The following ASS1 variants were observed in gnomAD, a reference collection of about 807,000 sequenced individuals.
The protein encoded by ASS1 is argininosuccinate synthase 1.
ASS1 carries 58 observed loss-of-function variants against 60.5 expected under a neutral mutation model. The ratio of observed to expected loss-of-function variants is 0.96; its 90% confidence interval spans 0.78 to 1.19. ASS1 has a LOEUF of 1.19. Ranked by LOEUF, ASS1 falls within the 50% of genes most tolerant of loss-of-function variation. ASS1 has a pLI of 0.00. For synonymous variants in ASS1, 200 were observed against 206.9 expected, an observed-to-expected ratio of 0.97 and a Z score of 0.29; for missense variants, 454 against 547.3, an observed-to-expected ratio of 0.83 and a Z score of 1.70.
In ASS1 at chr9:130,491,680, G is replaced by A. The variant is rs1482951019; in HGVS notation, c.970+2216G>A. ...CTGCGGTCACGATGCCTCTACACTG[G>A]ACTGGCTGGGTTGAGTCCCTGCTCT... is the stretch of plus-strand genomic sequence containing the variant. On this transcript the variant is annotated intron_variant, in intron 12 of 14. Coordinates refer to ENST00000352480, the MANE Select transcript of ASS1 (RefSeq NM_054012.4). This position sits in a 1 kb window ranked among gnomAD's most constrained non-coding sequence, Gnocchi z 5.3. 6.6e-6 allele frequency among the ~76,000 whole-genome samples: 1 copy of A among 152,188 alleles called. No homozygotes were observed. The highest frequency in any genetic ancestry group is 2.4e-5 in the African/African-American group (1 of 41,452).
chr9:130,465,957 T>C (rs1420574035), intron 5 of ASS1, among the ~76,000 whole-genome samples: 2 of 152,280 alleles, frequency 1.3e-5, no homozygotes, highest in South Asian at 2.1e-4. Context: ...TGAGATGGGA[T>C]TGGGGCAGGG....
intron 12 of ASS1, among the ~76,000 whole-genome samples, chr9:130,492,180 G>A (rs1307446560): frequency 2.0e-5 from 3 of 152,184 alleles, no homozygotes; most frequent in Non-Finnish European, 4.4e-5. Context: ...GTGGAGGCGC[G>A]GCACTTGGAG....
chr9:130,477,022 C>G lies in ASS1; in HGVS notation c.688+61C>G. On this transcript the variant is annotated intron_variant, in intron 9 of 14. Coordinates refer to ENST00000352480, the MANE Select transcript of ASS1 (RefSeq NM_054012.4). This position sits in a 1 kb window ranked among gnomAD's most constrained non-coding sequence, Gnocchi z 4.2. The stretch of plus-strand genomic sequence containing the variant: ...ACTTTTGGGGCCCTGGCTCCTTTCC[C>G]CTCCCTGCCTGGGAACCTAGGCCCT... 1 of 1,530,832 alleles carries G rather than the reference C, an allele frequency of 6.5e-7. No individual in the cohort carries two copies. The highest frequency in any genetic ancestry group is 9.0e-7 in the Non-Finnish European group (1 of 1,105,572). 94.8% of individuals were successfully genotyped at this position (1,530,832 alleles called of 1,614,324 possible).
chr9:130,497,935 T>C (rs748699376), intron 13 of ASS1, among the ~76,000 whole-genome samples: 2 of 152,144 alleles, frequency 1.3e-5, no homozygotes, highest in African/African-American at 4.8e-5. Context: ...AAGTCTGGTA[T>C]CTCCTCCTCT....
intron 13 of ASS1, among the ~76,000 whole-genome samples, chr9:130,498,057 T>C (rs1846648019): frequency 6.6e-6 from 1 of 152,054 alleles, no homozygotes; most frequent in Non-Finnish European, 1.5e-5. Flanking sequence ...TGGGAGTGAC[T>C]CTGCAGAGAG....
chr9:130,481,494 A>C (rs1846174012), intron 11 of ASS1, among the ~76,000 whole-genome samples: 1 of 152,172 alleles, frequency 6.6e-6, no homozygotes, highest in South Asian at 2.1e-4. Context: ...ATTTTTACTA[A>C]GATTCTAAAA....
chr9:130,487,565 G>C lies in ASS1; in HGVS notation c.839-1768G>C, dbSNP rs911639011. On this transcript the variant is annotated intron_variant, in intron 11 of 14. Coordinates refer to ENST00000352480, the MANE Select transcript of ASS1 (RefSeq NM_054012.4). ...GAACATTTTCTTTTTGCAAAGCTGA[G>C]ACTCTGGCCCCATGAAACTCCCCAT... Among the ~76,000 whole-genome samples, 9 of 137,576 alleles carry C rather than the reference G, an allele frequency of 6.5e-5. No individual in the cohort carries two copies. In the Admixed American group the frequency reaches 6.8e-4, roughly 10 times the overall value. The allele number at this position is 137,576 out of a possible 152,430, so 90.3% of individuals were successfully genotyped here.
intron 14 of ASS1, among the ~76,000 whole-genome samples, chr9:130,499,861 AC>A (rs1262431522): frequency 6.6e-6 from 1 of 152,040 alleles, no homozygotes; most frequent in Non-Finnish European, 1.5e-5. Context: ...AGCCACAGGG[AC>A]TCCACTATGA....
rs764234330 is a variant in ASS1 at position 130,489,437 on chromosome 9, T to C, written c.943T>C (p.Leu315=). The change falls in exon 12 of 15, where the codon TTG becomes CTG. Residue 315 remains leucine, a synonymous_variant. Coordinates refer to ENST00000352480, the MANE Select transcript of ASS1 (RefSeq NM_054012.4). The surrounding 1 kb of genome is among the most constrained non-coding windows in gnomAD (Gnocchi z 4.1). The part of the protein sequence containing the change: ...EVRKIKQGLG[L]KFAELVYTGF... ...GCGCAAAATCAAACAAGGCCTGGGC[T>C]TGAAATTTGCTGAGCTGGTGTATAC... 2.5e-6 allele frequency: 4 copies of C among 1,614,038 alleles called. No individual in the cohort carries two copies. The South Asian group carries it at 4.4e-5, about 18-fold the overall frequency.
intron 11 of ASS1, among the ~76,000 whole-genome samples, chr9:130,482,600 T>G (rs115287439): frequency 1.6e-3 from 234 of 150,960 alleles, no homozygotes; most frequent in African/African-American, 5.6e-3. Context: ...TCAAGCAGAG[T>G]TGAGCAAAAA....
rs1022723077 is a variant in ASS1 at position 130,470,974 on chromosome 9, AG to A, written c.566+72del. On this transcript the variant is annotated intron_variant, in intron 7 of 14. Coordinates refer to ENST00000352480, the MANE Select transcript of ASS1 (RefSeq NM_054012.4). The surrounding 1 kb of genome is among the most constrained non-coding windows in gnomAD (Gnocchi z 4.3). ...CCAAAGGACGGCCACGCGCTGCCCC[AG>A]GACGTCCTGGTGACCCCCACACCAG... 7 of 1,548,262 alleles carry A rather than the reference AG, an allele frequency of 4.5e-6. No homozygotes were observed. The African/African-American group carries it at 9.5e-5, about 21-fold the overall frequency.
At chr9:130,492,959 G>A (rs765809215) in intron 12 of ASS1, among the ~76,000 whole-genome samples, 38 of 152,228 alleles carry the variant, frequency 2.5e-4, no homozygotes, top group Non-Finnish European at 4.3e-4. Context: ...AAAATTCTGA[G>A]ATAAAGCCCA....
rs1554725061 is a variant in ASS1 at position 130,494,921 on chromosome 9, A to C, written c.1025A>C (p.Gln342Pro). 6.2e-7 allele frequency: 1 copy of C among 1,613,478 alleles called. No homozygotes were observed. The highest frequency in any genetic ancestry group is 1.7e-5 in the Admixed American group (1 of 59,998). ...GTCCGCCACTGCATCGCCAAGTCCC[A>C]GGAGCGAGTGGAAGGGAAAGTGCAG... Reference protein sequence around the residue: ...EFVRHCIAKSQERVEGKVQVS... With the variant: ...EFVRHCIAKSPERVEGKVQVS... The change falls in exon 13 of 15, where the codon CAG becomes CCG. Residue 342 changes from glutamine (Q) to proline (P), a missense_variant. By Grantham distance (76) the Gln-to-Pro change is moderately conservative (BLOSUM62 -1). Transcript: ENST00000352480. This position sits in a 1 kb window ranked among gnomAD's most constrained non-coding sequence, Gnocchi z 4.3.
intron 1 of ASS1, chr9:130,451,853 C>A (rs1487387655): frequency 2.1e-6 from 1 of 476,232 alleles, no homozygotes. Flanking sequence ...AGAGCCAAGG[C>A]CCCTCCCACA....
intron 1 of ASS1, among the ~76,000 whole-genome samples, chr9:130,445,748 C>T (rs1237222167): frequency 1.3e-5 from 2 of 152,200 alleles, no homozygotes; most frequent in African/African-American, 2.4e-5. Flanking sequence ...GGAAACTCCT[C>T]TCCCAGGCGG....
At position 130,489,786 on chromosome 9, in the gene ASS1, G is replaced by A. The variant is rs1025440605; in HGVS notation, c.970+322G>A. On this transcript the variant is annotated intron_variant, in intron 12 of 14. Coordinates refer to ENST00000352480, the MANE Select transcript of ASS1 (RefSeq NM_054012.4). This position sits in a 1 kb window ranked among gnomAD's most constrained non-coding sequence, Gnocchi z 4.1. ...CAATGCCAGGCACTGGGCACTGTGCGGCGACATGCATCACCCCGCATGGTC... is the reference window on the plus strand; with the variant it reads ...CAATGCCAGGCACTGGGCACTGTGCAGCGACATGCATCACCCCGCATGGTC... 3.3e-5 allele frequency among the ~76,000 whole-genome samples: 5 copies of A among 152,224 alleles called. No individual in the cohort carries two copies. The highest frequency in any genetic ancestry group is 7.2e-5 in the African/African-American group (3 of 41,450).
rs121908646 is a variant in ASS1 at position 130,470,873 on chromosome 9, T to C, written c.535T>C (p.Trp179Arg). 156 of 1,614,134 alleles carry C rather than the reference T, an allele frequency of 9.7e-5. No individual in the cohort carries two copies. The highest frequency in any genetic ancestry group is 5.0e-4 in the Middle Eastern group (3 of 6,060). Residue 179 changes from tryptophan to arginine, a missense_variant, in exon 7 of 15, where the codon TGG becomes CGG. Coordinates refer to ENST00000352480, the MANE Select transcript of ASS1 (RefSeq NM_054012.4). This position sits in a 1 kb window ranked among gnomAD's most constrained non-coding sequence, Gnocchi z 4.3. ...IPIPVTPKNP[W>R]SMDENLMHIS... The stretch of plus-strand genomic sequence containing the variant: ...CATCCCGGTCACTCCCAAGAACCCG[T>C]GGAGCATGGATGAGAACCTCATGCA...
intron 6 of ASS1, among the ~76,000 whole-genome samples, chr9:130,467,011 G>T (rs1845758752): frequency 6.6e-6 from 1 of 152,212 alleles, no homozygotes; most frequent in Non-Finnish European, 1.5e-5. Flanking sequence ...CCGTTGCCAG[G>T]GCGGAGCCGC....
At chr9:130,469,860 G>C (rs1166060655) in intron 6 of ASS1, among the ~76,000 whole-genome samples, 2 of 152,192 alleles carry the variant, frequency 1.3e-5, no homozygotes, top group East Asian at 3.8e-4. Flanking sequence ...AGGGTGACCC[G>C]GTGGGGGCTG....
Sources: allele counts gnomAD v4.1 joint callset (sites outside exome capture counted in the v4.1 genomes callset), GRCh38; gene constraint gnomAD v4.1.1; non-coding constraint Gnocchi (gnomAD v3.1); transcripts MANE v1.5; gene names NCBI Gene and HGNC (gene_info 2026-07-23, HGNC 2026-07-21).